The following DGKK variants were observed in gnomAD, a reference collection of about 807,000 sequenced individuals.
DGKK encodes diacylglycerol kinase kappa.
A neutral mutation model predicts 92.2 loss-of-function variants in DGKK; 35 were observed. The observed-to-expected ratio is 0.38, with a 90% CI of 0.29 to 0.50. DGKK has a LOEUF of 0.50. DGKK is among the 20% of genes least tolerant of loss of function. The pLI is 0.92. For missense variants in DGKK, 910 were observed against 992.2 expected, an observed-to-expected ratio of 0.92 and a Z score of 1.11; for synonymous variants, 368 against 360.6, an observed-to-expected ratio of 1.02 and a Z score of -0.23.
chrX:50,469,596 G>A (rs1276243108), intron 1 of DGKK, among the ~76,000 whole-genome samples: 2 of 112,589 alleles, frequency 1.8e-5, no homozygotes, highest in African/African-American at 3.2e-5. Context: ...CGCAGCTTGG[G>A]CCTCTGCGGC....
chrX:50,466,251 G>A (rs1453699452), intron 1 of DGKK, among the ~76,000 whole-genome samples: 1 of 110,273 alleles, frequency 9.1e-6, no homozygotes, highest in Non-Finnish European at 1.9e-5. Flanking sequence ...GCTTGGCAAG[G>A]AGGGGGGAAA....
At chrX:50,435,755 G>T (rs979632917) in intron 1 of DGKK, among the ~76,000 whole-genome samples, 8 of 110,098 alleles carry the variant, frequency 7.3e-5, no homozygotes, top group East Asian at 2.9e-4. Context: ...GAGAGAGAGA[G>T]ATATTCAGAA....
intron 1 of DGKK, among the ~76,000 whole-genome samples, chrX:50,429,402 G>A (rs1557230022): frequency 8.9e-6 from 1 of 112,344 alleles, no homozygotes; most frequent in Non-Finnish European, 1.9e-5. Flanking sequence ...GAATTAAAAT[G>A]TATTCTCGGC....
At chrX:50,451,117 C>G (rs782698334) in intron 1 of DGKK, among the ~76,000 whole-genome samples, 1 of 111,024 alleles carries the variant, frequency 9.0e-6, no homozygotes, top group South Asian at 3.8e-4. Context: ...TAGTTTTCTT[C>G]TCTAAGTGAA....
At chrX:50,444,597 T>A (rs1926243363) in intron 1 of DGKK, among the ~76,000 whole-genome samples, 1 of 111,807 alleles carries the variant, frequency 8.9e-6, no homozygotes. Flanking sequence ...TCCAGCTCCA[T>A]CCATGTTCCT....
At chrX:50,468,286 C>T (rs782076436) in intron 1 of DGKK, among the ~76,000 whole-genome samples, 1 of 111,655 alleles carries the variant, frequency 9.0e-6, no homozygotes, top group Non-Finnish European at 1.9e-5. Flanking sequence ...TATTACGTCC[C>T]CACGTGTCAG....
chrX:50,399,238 CTG>C (rs5902471), intron 8 of DGKK, among the ~76,000 whole-genome samples: 37,285 of 105,619 alleles, frequency 0.35, 5,019 homozygotes, highest in Admixed American at 0.47. Context: ...TCTAGAGTGG[CTG>C]TGTGTGTGTG....
Position 50,403,913 on chromosome X carries a change from T to A in DGKK, c.1078+136A>T, listed in dbSNP as rs782113676. Reference sequence around the variant, plus strand: ...CCCTTTATGTTAGTTTCCTCCCTTTTTCTTTCCTCAATCAGGGTTAACCTC... The same window carrying A: ...CCCTTTATGTTAGTTTCCTCCCTTTATCTTTCCTCAATCAGGGTTAACCTC... On this transcript the variant is annotated intron_variant, in intron 5 of 27. Coordinates refer to ENST00000611977, the MANE Select transcript of DGKK (RefSeq NM_001013742.4). The A allele has an allele frequency of 5.0e-5, 39 of 779,036 alleles. No individual in the cohort carries two copies. In the East Asian group the frequency reaches 5.8e-4, roughly 12 times the overall value. 64.2% of individuals were successfully genotyped at this position (779,036 alleles called of 1,213,427 possible).
At chrX:50,423,501 G>A (rs782571311) in intron 2 of DGKK, among the ~76,000 whole-genome samples, 15 of 111,890 alleles carry the variant, frequency 1.3e-4, no homozygotes, top group South Asian at 3.8e-4. Context: ...TTTCTTGCTC[G>A]TTACACCCCT....
chrX:50,439,319 C>T (rs1319092852), intron 1 of DGKK, among the ~76,000 whole-genome samples: 1 of 110,847 alleles, frequency 9.0e-6, no homozygotes. Context: ...GAATTTGAAA[C>T]ACAGCTTCAT....
intron 1 of DGKK, among the ~76,000 whole-genome samples, chrX:50,432,320 C>T (rs1324392895): frequency 8.9e-5 from 10 of 112,432 alleles, no homozygotes; most frequent in Admixed American, 1.9e-4. Flanking sequence ...TGATGCTATA[C>T]GTATTTATTT....
chrX:50,424,844 G>A (rs1415728922), intron 1 of DGKK, among the ~76,000 whole-genome samples: 3 of 111,331 alleles, frequency 2.7e-5, no homozygotes, highest in Non-Finnish European at 5.7e-5. Flanking sequence ...TTCTCAACAC[G>A]TTTAGAGCCA....
intron 15 of DGKK, among the ~76,000 whole-genome samples, chrX:50,385,474 G>A (rs1481321541): frequency 8.9e-6 from 1 of 112,168 alleles, no homozygotes; most frequent in Non-Finnish European, 1.9e-5. Flanking sequence ...AGGGTTGGTT[G>A]CGACAGTTAT....
In DGKK at chrX:50,378,840, G is replaced by A. The variant is rs1847826968; in HGVS notation, c.2863-149C>T. Reference sequence around the variant, plus strand: ...CATTATTAAAAGGGAAAAAGATGAGGTCAGAAAGCCAATCTGGGAAAAGGG... The same window carrying A: ...CATTATTAAAAGGGAAAAAGATGAGATCAGAAAGCCAATCTGGGAAAAGGG... On this transcript the variant is annotated intron_variant, in intron 20 of 27. Transcript: ENST00000611977. 3 of 469,028 alleles carry A rather than the reference G, an allele frequency of 6.4e-6. No individual in the cohort carries two copies. The South Asian group carries it at 9.9e-5, about 16-fold the overall frequency. 38.7% of individuals were successfully genotyped at this position (469,028 alleles called of 1,213,427 possible). A position where few individuals can be genotyped will look rare whatever the true frequency, so the allele number is the denominator to read the frequency against.
At position 50,379,533 on chromosome X, in the gene DGKK, T is replaced by C; in HGVS notation, c.2862+94A>G. ...CGGACCACCTCCTCTTCTCCCATTG[T>C]CTATTTTTCACTTCAGTTAGCACAA... On this transcript the variant is annotated intron_variant, in intron 20 of 27. Coordinates refer to ENST00000611977, the MANE Select transcript of DGKK (RefSeq NM_001013742.4). The C allele has an allele frequency of 4.1e-6, 3 of 731,596 alleles. No individual in the cohort carries two copies. The Admixed American group carries it at 7.2e-5, about 18-fold the overall frequency. 60.3% of individuals were successfully genotyped at this position (731,596 alleles called of 1,213,427 possible).
In DGKK at chrX:50,371,503, C is replaced by G. The variant is rs979213523; in HGVS notation, c.3612+221G>C. On this transcript the variant is annotated intron_variant, in intron 26 of 27. Coordinates refer to ENST00000611977, the MANE Select transcript of DGKK (RefSeq NM_001013742.4). ...AGCCTTCTTTCTGGTTATTTTTCCA[C>G]AGTCACCTAATTTTTCTACATGTTT... is the stretch of plus-strand genomic sequence containing the variant. Among the ~76,000 whole-genome samples the G allele has an allele frequency of 7.2e-5, 8 of 111,737 alleles. No individual in the cohort carries two copies. In the Admixed American group the frequency reaches 7.6e-4, roughly 11 times the overall value.
chrX:50,467,981 C>A (rs917627957), intron 1 of DGKK, among the ~76,000 whole-genome samples: 2 of 111,981 alleles, frequency 1.8e-5, no homozygotes, highest in African/African-American at 6.5e-5. Context: ...ATAAGTGATT[C>A]AACAAATGTC....
intron 1 of DGKK, among the ~76,000 whole-genome samples, chrX:50,465,287 C>G (rs1602309382): frequency 9.2e-6 from 1 of 109,148 alleles, no homozygotes; most frequent in African/African-American, 3.3e-5. Context: ...AAATAATTTT[C>G]AGAGGAGAGA....
At chrX:50,388,008 C>T (rs1440288261) in intron 13 of DGKK, among the ~76,000 whole-genome samples, 1 of 112,155 alleles carries the variant, frequency 8.9e-6, no homozygotes, top group Non-Finnish European at 1.9e-5. Flanking sequence ...AAGGGCCCAG[C>T]TAATTTAGTA....
Sources: gnomAD v4.1 joint callset for allele counts (sites outside exome capture counted in the v4.1 genomes callset) on GRCh38, gnomAD v4.1.1 for gene constraint, MANE v1.5 for transcripts, NCBI Gene and HGNC (gene_info 2026-07-23, HGNC 2026-07-21) for gene names.